WASHC4: variants seen among roughly 807,000 people sequenced by gnomAD.
WASHC4 encodes WASH complex subunit 4.
Under a neutral mutation model 166.6 loss-of-function variants are expected in WASHC4, and 86 were observed. The observed-to-expected ratio is 0.52, with a 90% CI of 0.43 to 0.62. The LOEUF is 0.62. Among genes scored for constraint, WASHC4 ranks in the 20% least tolerant of loss-of-function variants. WASHC4 has a pLI of 0.00. For synonymous variants in WASHC4, 446 were observed against 451.6 expected (o/e 0.99, Z 0.16); for missense variants, 1,262 against 1,382.4 (o/e 0.91, Z 1.38).
At chr12:105,134,084 T>C (rs1882099886) in intron 14 of WASHC4, among the ~76,000 whole-genome samples, 188 bp downstream of exon 14, 1 of 152,150 alleles carries the variant, frequency 6.6e-6, no homozygotes, top group Non-Finnish European at 1.5e-5. Context: ...TCTATATTCC[T>C]TTACAACTTG....
chr12:105,115,730 T>A lies in WASHC4; in HGVS notation c.435+2T>A. The A allele has an allele frequency of 6.3e-7, 1 of 1,585,010 alleles. No homozygotes were observed. Among genetic ancestry groups the A allele is most frequent in the Non-Finnish European group, 8.7e-7 (1 of 1,153,684 alleles). On this transcript the variant is annotated splice_donor_variant, in intron 6 of 32. Coordinates refer to ENST00000332180, the MANE Select transcript of WASHC4 (RefSeq NM_015275.3). LOFTEE classifies it high-confidence loss of function. Reference sequence around the variant, plus strand: ...GGGAGATTTATTTCATTCTTACAGGTAACTGATTTTTACTTTCTACTGAGC... The same window carrying A: ...GGGAGATTTATTTCATTCTTACAGGAAACTGATTTTTACTTTCTACTGAGC...
At chr12:105,130,635 T>C (rs1881710696) in intron 13 of WASHC4, among the ~76,000 whole-genome samples, 1 of 152,112 alleles carries the variant, frequency 6.6e-6, no homozygotes, top group South Asian at 2.1e-4. Context: ...GTCTAAGAGG[T>C]GTCCCAAGGT....
intron 25 of WASHC4, among the ~76,000 whole-genome samples, chr12:105,150,152 T>C (rs952558911): frequency 6.6e-6 from 1 of 152,232 alleles, no homozygotes; most frequent in Admixed American, 6.5e-5. Flanking sequence ...AGCAGTATAG[T>C]AAAAATGGAG....
At chr12:105,118,422 T>C (rs1197571622) in intron 6 of WASHC4, 24 bp from the exon 7 acceptor site, 1 of 1,514,630 alleles carries the variant, frequency 6.6e-7, no homozygotes, top group Non-Finnish European at 9.2e-7. Flanking sequence ...AACTTTATAA[T>C]ATATACCCAC....
intron 15 of WASHC4, among the ~76,000 whole-genome samples, chr12:105,139,412 T>C (rs1240586232): frequency 1.1e-5 from 1 of 93,074 alleles, no homozygotes; most frequent in African/African-American, 4.9e-5. Context: ...ACAGACTATA[T>C]ATATGTGTGT....
intron 29 of WASHC4, among the ~76,000 whole-genome samples, chr12:105,161,431 T>G (rs996303306): frequency 6.6e-6 from 1 of 152,196 alleles, no homozygotes; most frequent in East Asian, 1.9e-4. Context: ...TATAGTTAAC[T>G]TGGGGTGAGT....
At chr12:105,108,546 G>T (rs1032096086) in intron 1 of WASHC4, among the ~76,000 whole-genome samples, 3 of 152,138 alleles carry the variant, frequency 2.0e-5, no homozygotes, top group Non-Finnish European at 4.4e-5. Flanking sequence ...TCACAAGATC[G>T]AATTGTCTGA....
At chr12:105,143,497 A>G (rs1301920438) in intron 20 of WASHC4, among the ~76,000 whole-genome samples, 1 of 152,054 alleles carries the variant, frequency 6.6e-6, no homozygotes, top group Non-Finnish European at 1.5e-5. Flanking sequence ...AAAGTTGTTT[A>G]TTAGAAGAAT....
At chr12:105,125,882 T>G (rs1444143673) in intron 10 of WASHC4, 122 bp from the exon 11 acceptor site, 10 of 932,344 alleles carry the variant, frequency 1.1e-5, no homozygotes, top group African/African-American at 1.7e-5. Context: ...AGCTTTAGTT[T>G]TAGTAAAATT....
At chr12:105,160,188 A>G (rs778234025) in intron 29 of WASHC4, 40 bp downstream of exon 29, 1 of 1,531,544 alleles carries the variant, frequency 6.5e-7, no homozygotes, top group Non-Finnish European at 9.0e-7. Flanking sequence ...TTTTTTTTAA[A>G]AAGAGTATGC....
At chr12:105,127,821 TTTC>T (rs1382281225) in intron 13 of WASHC4, among the ~76,000 whole-genome samples, 1 of 152,182 alleles carries the variant, frequency 6.6e-6, no homozygotes, top group East Asian at 1.9e-4. Context: ...TAACTCTTTG[TTTC>T]TTCTTTTTTT....
chr12:105,136,701 A>T (rs967276551), intron 14 of WASHC4, among the ~76,000 whole-genome samples: 8 of 152,012 alleles, frequency 5.3e-5, no homozygotes, highest in African/African-American at 1.9e-4. Flanking sequence ...GCTGCACTAG[A>T]GTAGGGTCTG....
chr12:105,162,741 CT>C lies in WASHC4; in HGVS notation c.3061-3del. Reference sequence around the variant, plus strand: ...TTGTTTTTCTAACATGTTGTTACATCTTTTTAGACCCTCAACTTTGTAGAGC... The same window carrying C: ...TTGTTTTTCTAACATGTTGTTACATCTTTTAGACCCTCAACTTTGTAGAGC... On this transcript the variant is annotated splice_region_variant and splice_polypyrimidine_tract_variant and intron_variant, in intron 29 of 32. Coordinates refer to ENST00000332180, the MANE Select transcript of WASHC4 (RefSeq NM_015275.3). The C allele has an allele frequency of 6.8e-7, 1 of 1,473,308 alleles. No homozygotes were observed. The highest frequency in any genetic ancestry group is 9.5e-7 in the Non-Finnish European group (1 of 1,056,274). The allele number at this position is 1,473,308 out of a possible 1,614,324, so 91.3% of individuals were successfully genotyped here.
intron 6 of WASHC4, among the ~76,000 whole-genome samples, chr12:105,116,716 CT>C (rs1880218445): frequency 6.6e-6 from 1 of 152,022 alleles, no homozygotes; most frequent in Non-Finnish European, 1.5e-5. Context: ...TGTTGTATAC[CT>C]TAAATATACA....
In WASHC4 at chr12:105,166,862, A is replaced by G; in HGVS notation, c.3455-2A>G. The G allele has an allele frequency of 1.3e-6, 2 of 1,592,226 alleles. No homozygotes were observed. The highest frequency in any genetic ancestry group is 1.3e-5 in the African/African-American group (1 of 74,686). On this transcript the variant is annotated splice_acceptor_variant, in intron 32 of 32. Coordinates refer to ENST00000332180, the MANE Select transcript of WASHC4 (RefSeq NM_015275.3). LOFTEE classifies it high-confidence loss of function. ...CATTATTATTTTCACTCATGCTTTC[A>G]GAAGAAACTAAAACAAGCAATGGAG...
intron 13 of WASHC4, among the ~76,000 whole-genome samples, chr12:105,130,431 T>C (rs1451444530): frequency 1.3e-5 from 2 of 152,250 alleles, no homozygotes; most frequent in Non-Finnish European, 1.5e-5. Flanking sequence ...TTTCAAAGAC[T>C]TATCACATGA....
intron 25 of WASHC4, among the ~76,000 whole-genome samples, chr12:105,151,235 G>T (rs1883751820): frequency 6.6e-6 from 1 of 151,394 alleles, no homozygotes. Context: ...TGAAGAATCT[G>T]TTGAATTGTT....
chr12:105,124,100 AG>A (rs1402013690), intron 10 of WASHC4, among the ~76,000 whole-genome samples: 1 of 151,612 alleles, frequency 6.6e-6, no homozygotes, highest in Admixed American at 6.6e-5. Flanking sequence ...AATATACTAT[AG>A]TATAGTGTAA....
At chr12:105,109,682 C>T (rs1879467205) in intron 1 of WASHC4, among the ~76,000 whole-genome samples, 1 of 119,546 alleles carries the variant, frequency 8.4e-6, no homozygotes, top group African/African-American at 3.3e-5. Context: ...GAGACAAGGT[C>T]TCACTCTGTC....
Sources: gnomAD v4.1 joint callset for allele counts (sites outside exome capture counted in the v4.1 genomes callset) on GRCh38, gnomAD v4.1.1 for gene constraint, MANE v1.5 for transcripts, NCBI Gene and HGNC (gene_info 2026-07-23, HGNC 2026-07-21) for gene names.